The following CWC27 variants were observed in gnomAD, a reference collection of about 807,000 sequenced individuals.
CWC27 encodes CWC27 spliceosome associated cyclophilin.
CWC27 carries 47 observed loss-of-function variants against 63.6 expected under a neutral mutation model. The ratio of observed to expected loss-of-function variants is 0.74; its 90% CI spans 0.58 to 0.94. The LOEUF (loss-of-function observed/expected upper bound fraction) is 0.94. CWC27 is among the 40% of genes least tolerant of loss of function. The probability of loss-of-function intolerance (pLI) is 0.00; values close to 1 mark genes in which losing one functional copy is unlikely to be tolerated. For missense variants in CWC27, 495 were observed against 554.3 expected (o/e 0.89, Z 1.07); for synonymous variants, 175 against 179.8 (o/e 0.97, Z 0.22).
chr5:65,002,311 A>T (rs1302709989), intron 13 of CWC27, among the ~76,000 whole-genome samples: 1 of 151,888 alleles, frequency 6.6e-6, no homozygotes, highest in Non-Finnish European at 1.5e-5. Context: ...GTTGTGTTTA[A>T]TTCTGTCTAA....
chr5:64,896,210 TTTCAATGGACTGAGGGAAGTGTCC>T (rs1747370821), intron 11 of CWC27, among the ~76,000 whole-genome samples: 1 of 152,176 alleles, frequency 6.6e-6, no homozygotes, highest in South Asian at 2.1e-4. Context: ...AGAATCTTAT[TTTCAATGGACTGAGGGAAGTGTCC>T]TTCAGACAAA....
intron 10 of CWC27, among the ~76,000 whole-genome samples, chr5:64,820,904 T>A (rs372211362): frequency 8.6e-5 from 13 of 151,708 alleles, no homozygotes; most frequent in African/African-American, 3.1e-4. Context: ...TGGACAAAAA[T>A]GATGAAGTAA....
intron 10 of CWC27, among the ~76,000 whole-genome samples, chr5:64,831,114 A>G (rs972998866): frequency 1.4e-4 from 21 of 152,200 alleles, no homozygotes; most frequent in Admixed American, 3.3e-4. Flanking sequence ...TCAGACATTC[A>G]GTAGTGCTCA....
At chr5:64,892,791 G>A (rs1401753331) in intron 11 of CWC27, among the ~76,000 whole-genome samples, 1 of 152,006 alleles carries the variant, frequency 6.6e-6, no homozygotes, top group African/African-American at 2.4e-5. Flanking sequence ...TTTAGACTAT[G>A]TGGGAGCAAT....
At chr5:64,853,955 T>C (rs1236297919) in intron 10 of CWC27, among the ~76,000 whole-genome samples, 1 of 152,208 alleles carries the variant, frequency 6.6e-6, no homozygotes, top group East Asian at 1.9e-4. Flanking sequence ...TCTGTACCTA[T>C]TAAATAACGC....
At chr5:64,977,075 T>A (rs1749239676) in intron 12 of CWC27, 60 bp from the exon 13 acceptor site, 3 of 1,002,436 alleles carry the variant, frequency 3.0e-6, no homozygotes, top group Non-Finnish European at 4.3e-6. Context: ...AACTTAAGCA[T>A]CTCTTTTAAA....
At position 65,018,111 on chromosome 5, in the gene CWC27, G is replaced by A. The variant is rs372738279; in HGVS notation, c.1257-48G>A. The A allele has an allele frequency of 6.8e-6, 10 of 1,476,440 alleles. No homozygotes were observed. The African/African-American group carries it at 1.1e-4, about 17-fold the overall frequency. 91.5% of individuals were successfully genotyped at this position (1,476,440 alleles called of 1,614,324 possible). A position where few individuals can be genotyped will look rare whatever the true frequency, so the allele number is the denominator to read the frequency against. Reference sequence around the variant, plus strand: ...GATAGTAGAGTATAGAATTTCTACTGTAAGTTCCCATGCAAGAAATCACTG... The same window carrying A: ...GATAGTAGAGTATAGAATTTCTACTATAAGTTCCCATGCAAGAAATCACTG... On this transcript the variant is annotated intron_variant, in intron 13 of 13. Transcript: ENST00000381070.
At chr5:64,929,155 G>A (rs1748183495) in intron 11 of CWC27, among the ~76,000 whole-genome samples, 1 of 152,066 alleles carries the variant, frequency 6.6e-6, no homozygotes. Context: ...TGGTATATGT[G>A]GATGGATTGG....
chr5:64,905,239 A>T (rs1747606334), intron 11 of CWC27, among the ~76,000 whole-genome samples: 1 of 149,802 alleles, frequency 6.7e-6, no homozygotes, highest in South Asian at 2.1e-4. Context: ...TAATGAATGC[A>T]TATCTTTTCT....
intron 6 of CWC27, among the ~76,000 whole-genome samples, chr5:64,787,810 T>A (rs1020607038): frequency 2.5e-4 from 38 of 152,094 alleles, no homozygotes; most frequent in Admixed American, 2.3e-3. Context: ...CTAGATATAA[T>A]CCTGCCAAAC....
chr5:64,891,984 G>C (rs1026951962), intron 11 of CWC27, among the ~76,000 whole-genome samples: 8 of 152,202 alleles, frequency 5.3e-5, no homozygotes, highest in African/African-American at 1.9e-4. Flanking sequence ...TAGTAGAGAC[G>C]GGGTTTTGCC....
chr5:64,844,663 G>A (rs893272495), intron 10 of CWC27, among the ~76,000 whole-genome samples: 3 of 152,198 alleles, frequency 2.0e-5, no homozygotes, highest in Non-Finnish European at 2.9e-5. Flanking sequence ...AGAATTAAAT[G>A]GTCTAGACTG....
chr5:64,956,326 A>G lies in CWC27; in HGVS notation c.1043-15377A>G, dbSNP rs145260531. Among the ~76,000 whole-genome samples, 382 of 152,216 alleles carry G rather than the reference A, an allele frequency of 2.5e-3. 2 individuals carry two copies. The highest frequency in any genetic ancestry group is 8.4e-3 in the African/African-American group (350 of 41,530). Reference sequence around the variant, plus strand: ...AAATTTCTTTATTTGGCATTCAGAGACTTTCATGATCAGAGTTTTGTCTTA... The same window carrying G: ...AAATTTCTTTATTTGGCATTCAGAGGCTTTCATGATCAGAGTTTTGTCTTA... On this transcript the variant is annotated intron_variant, in intron 11 of 13. Coordinates refer to ENST00000381070, the MANE Select transcript of CWC27 (RefSeq NM_005869.4).
intron 11 of CWC27, among the ~76,000 whole-genome samples, chr5:64,939,140 T>C (rs1360826489): frequency 2.0e-5 from 3 of 152,192 alleles, no homozygotes; most frequent in Non-Finnish European, 4.4e-5. Flanking sequence ...CATCCAGTTT[T>C]GTTCCCTTGC....
chr5:64,938,986 T>C (rs1388315081), intron 11 of CWC27, among the ~76,000 whole-genome samples: 1 of 152,216 alleles, frequency 6.6e-6, no homozygotes, highest in East Asian at 1.9e-4. Context: ...CTACACTGTT[T>C]ATTCTAGTTA....
rs1219119575 is a variant in CWC27 at position 64,975,505 on chromosome 5, G to A, written c.1153-1630G>A. 3.9e-5 allele frequency among the ~76,000 whole-genome samples: 6 copies of A among 152,002 alleles called. No homozygotes were observed. The East Asian group carries it at 1.2e-3, about 29-fold the overall frequency. Reference sequence around the variant, plus strand: ...TCATAATGATGGACTCTGTAAATATGTTGAATAGAAAAACCTTTTTCTAGC... The same window carrying A: ...TCATAATGATGGACTCTGTAAATATATTGAATAGAAAAACCTTTTTCTAGC... On this transcript the variant is annotated intron_variant, in intron 12 of 13. Transcript: ENST00000381070.
At chr5:64,852,952 T>A (rs990204371) in intron 10 of CWC27, among the ~76,000 whole-genome samples, 5 of 152,162 alleles carry the variant, frequency 3.3e-5, no homozygotes, top group African/African-American at 9.7e-5. Flanking sequence ...TTCCCTATCC[T>A]TTAGGGCATT....
chr5:64,864,258 A>T (rs1218130525), intron 10 of CWC27, among the ~76,000 whole-genome samples: 1 of 152,190 alleles, frequency 6.6e-6, no homozygotes, highest in Non-Finnish European at 1.5e-5. Context: ...TTTGAAAGTC[A>T]AATCATCTCA....
At chr5:64,989,630 G>A (rs1749497965) in intron 13 of CWC27, among the ~76,000 whole-genome samples, 1 of 152,198 alleles carries the variant, frequency 6.6e-6, no homozygotes, top group Non-Finnish European at 1.5e-5. Flanking sequence ...GATTGGTATT[G>A]AGAGGTGCAG....
Sources: gnomAD v4.1 joint callset for allele counts (sites outside exome capture counted in the v4.1 genomes callset) on GRCh38, gnomAD v4.1.1 for gene constraint, MANE v1.5 for transcripts, NCBI Gene and HGNC (gene_info 2026-07-23, HGNC 2026-07-21) for gene names.